Variants in EMILIN2 observed in about 807,000 individuals in gnomAD.
EMILIN2 encodes elastin microfibril interfacer 2.
Under a neutral mutation model 87.1 loss-of-function variants are expected in EMILIN2, and 71 were observed. The observed-to-expected ratio is 0.82, with a 90% confidence interval of 0.67 to 0.99. The LOEUF (loss-of-function observed/expected upper bound fraction) is 0.99. Ranked by LOEUF, EMILIN2 falls within the 50% of genes least tolerant of loss-of-function variation. The probability of loss-of-function intolerance (pLI) is 0.00; values close to 1 mark genes in which losing one functional copy is unlikely to be tolerated. For missense variants in EMILIN2, 1,407 were observed against 1,371.8 expected (o/e 1.03, Z -0.40); for synonymous variants, 581 against 563.4 (o/e 1.03, Z -0.44).
chr18:2,854,649 C>T (rs2076618218), intron 2 of EMILIN2, among the ~76,000 whole-genome samples: 1 of 152,090 alleles, frequency 6.6e-6, no homozygotes, highest in African/African-American at 2.4e-5. Context: ...AATAAACTAG[C>T]TGGGTATGGT....
chr18:2,862,006 G>C (rs1462712183), intron 2 of EMILIN2, among the ~76,000 whole-genome samples: 1 of 152,188 alleles, frequency 6.6e-6, no homozygotes, highest in East Asian at 1.9e-4. Context: ...TTGTGAATGG[G>C]AGTTCACTCA....
At chr18:2,906,655 T>C (rs1334196497) in intron 4 of EMILIN2, 128 bp from the exon 5 acceptor site, 20 of 730,232 alleles carry the variant, frequency 2.7e-5, no homozygotes, top group Non-Finnish European at 3.4e-5. Context: ...TGGCCTGACG[T>C]CGCAGGGGTG....
intron 2 of EMILIN2, among the ~76,000 whole-genome samples, chr18:2,857,736 C>A (rs1440422021): frequency 6.6e-6 from 1 of 152,142 alleles, no homozygotes; most frequent in East Asian, 1.9e-4. Context: ...TCACACATTC[C>A]AGAACCTTGA....
chr18:2,885,170 C>T (rs2076797423), intron 3 of EMILIN2, 31 bp downstream of exon 3: 1 of 1,542,228 alleles, frequency 6.5e-7, no homozygotes, highest in Non-Finnish European at 8.7e-7. Flanking sequence ...TTATGTATGG[C>T]CACCTTTAAT....
chr18:2,911,309 C>G lies in EMILIN2; in HGVS notation c.2824+1490C>G, dbSNP rs114141661. 5.0e-3 allele frequency among the ~76,000 whole-genome samples: 765 copies of G among 152,328 alleles called. 4 individuals carry two copies. The highest frequency in any genetic ancestry group is 0.017 in the African/African-American group (707 of 41,574). On this transcript the variant is annotated intron_variant, in intron 7 of 7. Transcript: ENST00000254528. ...TAAGAGGGGGGCGTGCGCAGTGTTT[C>G]CTGGAGTTGTGCATGTGCCCACGTG...
chr18:2,850,602 G>T (rs569214822), intron 2 of EMILIN2, among the ~76,000 whole-genome samples: 1 of 151,906 alleles, frequency 6.6e-6, no homozygotes, highest in East Asian at 1.9e-4. Flanking sequence ...TAGGGATGGG[G>T]TCTCACTATG....
chr18:2,849,049 C>CATATATGGAAATATATAT (rs1791205580), intron 2 of EMILIN2, among the ~76,000 whole-genome samples: 1 of 152,200 alleles, frequency 6.6e-6, no homozygotes, highest in South Asian at 2.1e-4. Context: ...ACGAGGTCCC[C>CATATATGGAAATATATAT]ATTTCCTAAT....
At chr18:2,846,465 G>A (rs2076573844), upstream of EMILIN2, among the ~76,000 whole-genome samples, 1 of 152,216 alleles carries the variant, frequency 6.6e-6, no homozygotes, top group South Asian at 2.1e-4. This position sits in a 1 kb window ranked among gnomAD's most constrained non-coding sequence, Gnocchi z 5.3. Flanking sequence ...CCCCCGCGTG[G>A]CCTCGGAAAC....
intron 2 of EMILIN2, among the ~76,000 whole-genome samples, chr18:2,884,345 G>A (rs555083693): frequency 3.3e-5 from 5 of 152,240 alleles, no homozygotes; most frequent in East Asian, 1.9e-4. Flanking sequence ...TCCGCCTTCT[G>A]GATTCAAACA....
At chr18:2,911,133 C>T (rs972251365) in intron 7 of EMILIN2, among the ~76,000 whole-genome samples, 4 of 152,214 alleles carry the variant, frequency 2.6e-5, no homozygotes, top group African/African-American at 4.8e-5. Context: ...AAAGTACACT[C>T]GGAAGACGGC....
Position 2,906,847 on chromosome 18 carries a change from G to A in EMILIN2, c.2424G>A (p.Pro808=). The A allele has an allele frequency of 3.0e-6, 4 of 1,348,762 alleles. No individual in the cohort carries two copies. Among genetic ancestry groups the A allele is most frequent in the African/African-American group, 3.0e-5 (2 of 65,738 alleles). 83.5% of individuals were successfully genotyped at this position (1,348,762 alleles called of 1,614,324 possible). ...AGCCGCTGCAGCCCGAGCCCGCCCC[G>A]CCGAGGCCCAGCGGCCCCGCAACCG... ...PKEPLQPEPA[P]PRPSGPATAE... The change falls in exon 5 of 8, where the codon CCG becomes CCA. Residue 808 remains proline, a synonymous_variant. Coordinates refer to ENST00000254528, the MANE Select transcript of EMILIN2 (RefSeq NM_032048.3).
rs753140052 is a variant in EMILIN2 at position 2,891,974 on chromosome 18, A to G, written c.1847A>G (p.Asn616Ser). The change falls in exon 4 of 8, where the codon AAC (asparagine) becomes AGC (serine). Residue 616 changes from asparagine to serine, a missense_variant. By Grantham distance (46) the Asn-to-Ser change is conservative (BLOSUM62 1). Coordinates refer to ENST00000254528, the MANE Select transcript of EMILIN2 (RefSeq NM_032048.3). The surrounding 1 kb of genome is among the most constrained non-coding windows in gnomAD (Gnocchi z 4.6). ...TTTAGTTTTCTTTATTCTCAATTAAACCACACAGAAAATGATGTGACTCAT... is the reference window on the plus strand; with the variant it reads ...TTTAGTTTTCTTTATTCTCAATTAAGCCACACAGAAAATGATGTGACTCAT... ...QDFSFLYSQL[N>S]HTENDVTHLQ... is the part of the protein sequence containing the mutation. 7 of 1,614,218 alleles carry G rather than the reference A, an allele frequency of 4.3e-6. No homozygotes were observed. In the South Asian group the frequency reaches 7.7e-5, roughly 18 times the overall value.
chr18:2,908,927 C>T lies in EMILIN2; in HGVS notation c.2663-16C>T. On this transcript the variant is annotated splice_polypyrimidine_tract_variant and intron_variant, in intron 5 of 7. Coordinates refer to ENST00000254528, the MANE Select transcript of EMILIN2 (RefSeq NM_032048.3). ...TAGGGTCTTGTTTGACATGCCATTTCCTTTCTGTTTTTCAGGATACCCGAA... is the reference window on the plus strand; with the variant it reads ...TAGGGTCTTGTTTGACATGCCATTTTCTTTCTGTTTTTCAGGATACCCGAA... 6.2e-7 allele frequency: 1 copy of T among 1,613,782 alleles called. No homozygotes were observed. Among genetic ancestry groups the T allele is most frequent in the Non-Finnish European group, 8.5e-7 (1 of 1,180,018 alleles).
At position 2,847,400 on chromosome 18, in the gene EMILIN2, C is replaced by A; in HGVS notation, c.134+78C>A. On this transcript the variant is annotated intron_variant, in intron 1 of 7. Transcript: ENST00000254528. The surrounding 1 kb of genome is among the most constrained non-coding windows in gnomAD (Gnocchi z 4.5). ...CAGTTGAGCCCCAGAGCTGCCCTGC[C>A]AAAGACGACGAGCGGCAGCCGGGGG... 1 of 1,222,266 alleles carries A rather than the reference C, an allele frequency of 8.2e-7. No homozygotes were observed. Among genetic ancestry groups the A allele is most frequent in the Non-Finnish European group, 1.0e-6 (1 of 973,748 alleles). 75.7% of individuals were successfully genotyped at this position (1,222,266 alleles called of 1,614,324 possible).
rs1408106340 is a variant in EMILIN2 at position 2,848,133 on chromosome 18, G to C, written c.257+202G>C. Among the ~76,000 whole-genome samples the C allele has an allele frequency of 6.6e-6, 1 of 152,230 alleles. No individual in the cohort carries two copies. Among genetic ancestry groups the C allele is most frequent in the Non-Finnish European group, 1.5e-5 (1 of 68,026 alleles). ...TAGGGAGTGGGTGCTGCCCGAGTGA[G>C]TGGGGAGGATGCGCGCGCCTCGGGA... On this transcript the variant is annotated intron_variant, in intron 2 of 7. Coordinates refer to ENST00000254528, the MANE Select transcript of EMILIN2 (RefSeq NM_032048.3). The surrounding 1 kb of genome is among the most constrained non-coding windows in gnomAD (Gnocchi z 4.1).
rs1205141278 is a variant in EMILIN2, at chr18:2,847,561, C to T, written c.134+239C>T. Among the ~76,000 whole-genome samples the T allele has an allele frequency of 6.6e-6, 1 of 152,168 alleles. No homozygotes were observed. Among genetic ancestry groups the T allele is most frequent in the African/African-American group, 2.4e-5 (1 of 41,460 alleles). On this transcript the variant is annotated intron_variant, in intron 1 of 7. Coordinates refer to ENST00000254528, the MANE Select transcript of EMILIN2 (RefSeq NM_032048.3). This position sits in a 1 kb window ranked among gnomAD's most constrained non-coding sequence, Gnocchi z 4.5. Reference sequence around the variant, plus strand: ...GACCCGGGCGATCCGAAAACGACTCCCAGGAATTCCATGAGCCCCTGGGAC... The same window carrying T: ...GACCCGGGCGATCCGAAAACGACTCTCAGGAATTCCATGAGCCCCTGGGAC...
intron 2 of EMILIN2, among the ~76,000 whole-genome samples, chr18:2,849,058 AT>A (rs2076590913): frequency 6.6e-6 from 1 of 152,200 alleles, no homozygotes; most frequent in African/African-American, 2.4e-5. Context: ...CCATTTCCTA[AT>A]ATACAGTGGA....
At position 2,891,464 on chromosome 18, in the gene EMILIN2, T is replaced by C. The variant is rs1435471746; in HGVS notation, c.1337T>C (p.Phe446Ser). Residue 446 changes from phenylalanine (F) to serine (S), a missense_variant, in exon 4 of 8, where the codon TTT becomes TCT. Transcript: ENST00000254528. This position sits in a 1 kb window ranked among gnomAD's most constrained non-coding sequence, Gnocchi z 4.6. Reference protein sequence around the residue: ...RLIVPEPDVDFDAKWNELDAR... With the variant: ...RLIVPEPDVDSDAKWNELDAR... ...ATAGTTCCAGAGCCAGATGTGGATT[T>C]TGATGCAAAATGGAATGAACTCGAT... The C allele has an allele frequency of 4.3e-6, 7 of 1,614,040 alleles. No homozygotes were observed. Among genetic ancestry groups the C allele is most frequent in the East Asian group, 4.5e-5 (2 of 44,898 alleles).
At position 2,907,078 on chromosome 18, in the gene EMILIN2, C is replaced by G; in HGVS notation, c.2655C>G (p.Gly885=). The G allele has an allele frequency of 8.0e-7, 1 of 1,253,272 alleles. No individual in the cohort carries two copies. Among genetic ancestry groups the G allele is most frequent in the South Asian group, 3.3e-5 (1 of 30,490 alleles). The allele number at this position is 1,253,272 out of a possible 1,614,324, so 77.6% of individuals were successfully genotyped here. The part of the protein sequence containing the change: ...GTVPGAEGFA[G]APGYPKSPPV... ...TCCCCGGCGCAGAAGGCTTCGCGGG[C>G]GCACCAGGTGAGGCCCGGGGCTGCG... is the stretch of plus-strand genomic sequence containing the variant. Residue 885 remains glycine, a synonymous_variant, in exon 5 of 8, where the codon GGC becomes GGG. Coordinates refer to ENST00000254528, the MANE Select transcript of EMILIN2 (RefSeq NM_032048.3).
Sources: gnomAD v4.1 joint callset for allele counts (sites outside exome capture counted in the v4.1 genomes callset) on GRCh38, gnomAD v4.1.1 for gene constraint, Gnocchi (gnomAD v3.1) non-coding constraint, MANE v1.5 for transcripts, NCBI Gene and HGNC (gene_info 2026-07-23, HGNC 2026-07-21) for gene names.